The following KIAA1549L variants were observed in gnomAD, a reference collection of about 807,000 sequenced individuals.
The protein encoded by KIAA1549L is KIAA1549 like.
KIAA1549L carries 88 observed loss-of-function variants against 160.7 expected under a neutral mutation model. That is an observed-to-expected ratio of 0.55 (90% confidence interval 0.46 to 0.65). KIAA1549L has a LOEUF of 0.65. KIAA1549L is among the 30% of genes least tolerant of loss of function. The probability of loss-of-function intolerance (pLI) is 0.00; values close to 1 mark genes in which losing one functional copy is unlikely to be tolerated. For synonymous variants in KIAA1549L, 950 were observed against 976.7 expected (o/e 0.97, Z 0.51); for missense variants, 2,258 against 2,437.5 (o/e 0.93, Z 1.55).
chr11:33,385,855 T>G (rs1850163445), intron 1 of KIAA1549L, among the ~76,000 whole-genome samples: 1 of 152,172 alleles, frequency 6.6e-6, no homozygotes, highest in African/African-American at 2.4e-5. Context: ...ACATACATTT[T>G]TCATGTTTTT....
chr11:33,524,769 G>C (rs551858477), intron 1 of KIAA1549L, among the ~76,000 whole-genome samples: 1 of 152,266 alleles, frequency 6.6e-6, no homozygotes, highest in South Asian at 2.1e-4. Flanking sequence ...AGTTAGATTT[G>C]TGATAAATCT....
At chr11:33,397,648 G>A (rs1172591478) in intron 1 of KIAA1549L, among the ~76,000 whole-genome samples, 2 of 151,346 alleles carry the variant, frequency 1.3e-5, no homozygotes. Context: ...GGAGGCGGAG[G>A]TTGCGGTGAG....
At chr11:33,509,226 G>A (rs1029883051) in intron 1 of KIAA1549L, among the ~76,000 whole-genome samples, 14 of 152,132 alleles carry the variant, frequency 9.2e-5, no homozygotes, top group African/African-American at 1.4e-4. Context: ...TTACAGAAAA[G>A]GCCAAACCTT....
chr11:33,639,032 C>T (rs1851516845), intron 16 of KIAA1549L, among the ~76,000 whole-genome samples: 1 of 152,068 alleles, frequency 6.6e-6, no homozygotes. Context: ...CTAATATTTT[C>T]TTGTGGTTGG....
chr11:33,431,405 C>T (rs1851239073), intron 1 of KIAA1549L, among the ~76,000 whole-genome samples: 2 of 147,856 alleles, frequency 1.4e-5, no homozygotes, highest in Admixed American at 1.4e-4. Context: ...GGTGTGTTTA[C>T]AATCCCTGAG....
chr11:33,569,953 C>T (rs1855187191), intron 9 of KIAA1549L, among the ~76,000 whole-genome samples: 1 of 150,932 alleles, frequency 6.6e-6, no homozygotes, highest in South Asian at 2.1e-4. Context: ...AAACCTAACA[C>T]ATTTTGCATG....
chr11:33,404,514 G>A (rs1216328659), intron 1 of KIAA1549L, among the ~76,000 whole-genome samples: 1 of 151,886 alleles, frequency 6.6e-6, no homozygotes, highest in Non-Finnish European at 1.5e-5. Context: ...GCGACAGAGC[G>A]AGACTCCATC....
intron 16 of KIAA1549L, among the ~76,000 whole-genome samples, chr11:33,632,139 G>T (rs895841741): frequency 2.6e-5 from 4 of 152,186 alleles, no homozygotes. Context: ...CATGAACAGG[G>T]TGAATTGTTT....
At chr11:33,663,759 C>T (rs552595353) in intron 20 of KIAA1549L, among the ~76,000 whole-genome samples, 2 of 152,322 alleles carry the variant, frequency 1.3e-5, no homozygotes, top group Non-Finnish European at 2.9e-5. Context: ...TCTTGCTCTG[C>T]ACAATTCTGA....
At chr11:33,488,539 C>T (rs191757693) in intron 1 of KIAA1549L, among the ~76,000 whole-genome samples, 1 of 152,114 alleles carries the variant, frequency 6.6e-6, no homozygotes, top group Non-Finnish European at 1.5e-5. Context: ...GTTTTAGGAG[C>T]CTTCTCTGTA....
chr11:33,646,357 A>G (rs1851723921), intron 17 of KIAA1549L, among the ~76,000 whole-genome samples: 1 of 152,214 alleles, frequency 6.6e-6, no homozygotes, highest in Non-Finnish European at 1.5e-5. Flanking sequence ...TTCAAGCCTG[A>G]GACCCATTTT....
At chr11:33,618,483 C>T (rs768947560) in intron 15 of KIAA1549L, 50 bp from the exon 16 acceptor site, 2 of 1,538,310 alleles carry the variant, frequency 1.3e-6, no homozygotes, top group Non-Finnish European at 8.8e-7. Flanking sequence ...TGGAGAATTC[C>T]ATCTGTCAGG....
At chr11:33,623,323 CT>C (rs554844144) in intron 16 of KIAA1549L, among the ~76,000 whole-genome samples, 11 of 152,160 alleles carry the variant, frequency 7.2e-5, no homozygotes, top group African/African-American at 1.4e-4. Context: ...TGTTGCCCCC[CT>C]GACCTCGGTG....
At chr11:33,588,869 A>G (rs975997396) in intron 11 of KIAA1549L, among the ~76,000 whole-genome samples, 1 of 152,128 alleles carries the variant, frequency 6.6e-6, no homozygotes, top group Non-Finnish European at 1.5e-5. Context: ...TTCTCAGGGA[A>G]CTGGGGGAGC....
intron 1 of KIAA1549L, among the ~76,000 whole-genome samples, chr11:33,408,272 G>A (rs528456146): frequency 6.6e-6 from 1 of 151,960 alleles, no homozygotes; most frequent in Non-Finnish European, 1.5e-5. Flanking sequence ...GGCATCAGTC[G>A]GGAATAGAGA....
chr11:33,465,184 T>G (rs1173794527), intron 1 of KIAA1549L, among the ~76,000 whole-genome samples: 1 of 151,026 alleles, frequency 6.6e-6, no homozygotes, highest in Non-Finnish European at 1.5e-5. Flanking sequence ...GCCTCCCAAG[T>G]AGCTGGGGAT....
At chr11:33,596,072 C>T (rs1365872484) in intron 12 of KIAA1549L, among the ~76,000 whole-genome samples, 3 of 152,106 alleles carry the variant, frequency 2.0e-5, no homozygotes, top group Non-Finnish European at 2.9e-5. Flanking sequence ...GTGCCATGTT[C>T]GGCAGTTGAT....
chr11:33,412,914 C>T (rs1850812107), intron 1 of KIAA1549L, among the ~76,000 whole-genome samples: 1 of 152,124 alleles, frequency 6.6e-6, no homozygotes, highest in Non-Finnish European at 1.5e-5. Flanking sequence ...TAGTAAGTGG[C>T]AGTGACAGGG....
chr11:33,649,246 G>A (rs946595617), intron 17 of KIAA1549L, among the ~76,000 whole-genome samples: 2 of 151,328 alleles, frequency 1.3e-5, no homozygotes, highest in Non-Finnish European at 2.9e-5. Flanking sequence ...GGGCTTTGTG[G>A]CTCATGCCTG....
Sources: allele counts gnomAD v4.1 joint callset (sites outside exome capture counted in the v4.1 genomes callset), GRCh38; gene constraint gnomAD v4.1.1; transcripts MANE v1.5; gene names NCBI Gene and HGNC (gene_info 2026-07-23, HGNC 2026-07-21).